The following QRICH2 variants were observed in gnomAD, a reference collection of about 807,000 sequenced individuals.
QRICH2 encodes glutamine rich 2.
In QRICH2, 119 loss-of-function variants were observed where a neutral mutation model predicts 168.3. The ratio of observed to expected loss-of-function variants is 0.71; its 90% CI spans 0.61 to 0.82. The LOEUF (loss-of-function observed/expected upper bound fraction) is 0.82, where lower values mean the gene tolerates loss of function less well. Ranked by LOEUF, QRICH2 falls within the 40% of genes least tolerant of loss-of-function variation. QRICH2 has a pLI of 0.00. For missense variants in QRICH2, 2,241 were observed against 2,491.6 expected, an observed-to-expected ratio of 0.90 and a Z score of 2.14; for synonymous variants, 894 against 951.2, an observed-to-expected ratio of 0.94 and a Z score of 1.11.
chr17:76,278,050 T>C lies in QRICH2; in HGVS notation c.5056A>G (p.Ser1686Gly), dbSNP rs1162819611. The change falls in exon 15 of 19, where the codon AGC becomes GGC. Residue 1686 changes from serine (S) to glycine (G), a missense_variant. By Grantham distance (56) the Ser-to-Gly change is moderately conservative. Around this residue, in one of 3 missense-constraint regions of QRICH2, gnomAD observed 2,047 missense variants for 2,303.8 expected, o/e 0.89. Transcript: ENST00000680821. ...QIHFGGSTKA[S>G]SQIIRELLHA... ...AGCAGCTCGCGGATTATCTGGCTGC[T>C]GGCCTTGGTGGAGCCCCCGAAGTGG... 1 of 1,613,978 alleles carries C rather than the reference T, an allele frequency of 6.2e-7. No individual in the cohort carries two copies. Among genetic ancestry groups the C allele is most frequent in the Admixed American group, 1.7e-5 (1 of 60,036 alleles).
At chr17:76,284,198 G>T (rs548372426) in intron 7 of QRICH2, among the ~76,000 whole-genome samples, 2 of 110,600 alleles carry the variant, frequency 1.8e-5, no homozygotes, top group South Asian at 2.6e-4. Context: ...AAAAAAAAAT[G>T]CACAAAGAGG....
At chr17:76,306,002 T>A (rs2070984859) in intron 1 of QRICH2, among the ~76,000 whole-genome samples, 2 of 151,480 alleles carry the variant, frequency 1.3e-5, no homozygotes, top group South Asian at 4.2e-4. Flanking sequence ...AAACCCCATC[T>A]CTACTAAAAG....
At chr17:76,308,618 A>C (rs991464239), upstream of QRICH2, 1 of 379,378 alleles carries the variant, frequency 2.6e-6, no homozygotes, top group African/African-American at 2.2e-5. Context: ...CCCCTCAGAC[A>C]GTCCACATAT....
intron 7 of QRICH2, among the ~76,000 whole-genome samples, chr17:76,282,664 C>T (rs750800420): frequency 6.6e-6 from 1 of 152,224 alleles, no homozygotes; most frequent in Non-Finnish European, 1.5e-5. Flanking sequence ...CCTTCCAGGG[C>T]AAGTGCCTTG....
chr17:76,307,243 G>A lies in QRICH2; in HGVS notation c.534+222C>T, dbSNP rs745917146. 9.2e-5 allele frequency among the ~76,000 whole-genome samples: 14 copies of A among 152,086 alleles called. No homozygotes were observed. Among genetic ancestry groups the A allele is most frequent in the Non-Finnish European group, 1.5e-4 (10 of 68,000 alleles). On this transcript the variant is annotated intron_variant, in intron 1 of 18. Coordinates refer to ENST00000680821, the MANE Select transcript of QRICH2 (RefSeq NM_001388453.1). This position sits in a 1 kb window ranked among gnomAD's most constrained non-coding sequence, Gnocchi z 5.3. ...CGGGGAGGCCCTAGGCCTTTTGGTGGCGTTCTTTTAGGATTTTCACGTCTT... is the reference window on the plus strand; with the variant it reads ...CGGGGAGGCCCTAGGCCTTTTGGTGACGTTCTTTTAGGATTTTCACGTCTT...
In QRICH2 at chr17:76,308,128, G is replaced by C; in HGVS notation, c.-130C>G. On this transcript the variant is annotated 5_prime_UTR_variant, in exon 1 of 19. Transcript: ENST00000680821. ...GGGCGCCCCTGCCCCGGGTCCGGCCGAGTCACTGGACAGAGCTCCTGCCTC... is the reference window on the plus strand; with the variant it reads ...GGGCGCCCCTGCCCCGGGTCCGGCCCAGTCACTGGACAGAGCTCCTGCCTC... 1 of 1,219,454 alleles carries C rather than the reference G, an allele frequency of 8.2e-7. No individual in the cohort carries two copies. The highest frequency in any genetic ancestry group is 1.0e-6 in the Non-Finnish European group (1 of 980,894). 75.5% of individuals were successfully genotyped at this position (1,219,454 alleles called of 1,614,324 possible). A position where few individuals can be genotyped will look rare whatever the true frequency, so the allele number is the denominator to read the frequency against.
intron 3 of QRICH2, among the ~76,000 whole-genome samples, chr17:76,295,734 G>T (rs2070784103): frequency 6.6e-6 from 1 of 152,166 alleles, no homozygotes; most frequent in Non-Finnish European, 1.5e-5. Context: ...CCTCACCAAA[G>T]GATGCCAAGC....
At chr17:76,287,125 G>A in intron 7 of QRICH2, 67 bp downstream of exon 7, 1 of 1,019,808 alleles carries the variant, frequency 9.8e-7, no homozygotes, top group South Asian at 1.3e-5. Flanking sequence ...AGAGGTGGGA[G>A]GGCAGGGCCA....
In QRICH2 at chr17:76,280,341, C is replaced by T. The variant is rs867609069; in HGVS notation, c.4572G>A (p.Gln1524=). 1 of 1,614,236 alleles carries T rather than the reference C, an allele frequency of 6.2e-7. No homozygotes were observed. Among genetic ancestry groups the T allele is most frequent in the South Asian group, 1.1e-5 (1 of 91,090 alleles). The change falls in exon 11 of 19, where the codon CAG becomes CAA. Residue 1524 remains glutamine, a synonymous_variant. Coordinates refer to ENST00000680821, the MANE Select transcript of QRICH2 (RefSeq NM_001388453.1). This position sits in a 1 kb window ranked among gnomAD's most constrained non-coding sequence, Gnocchi z 7.4. The part of the protein sequence containing the change: ...MQELVAKMSG[Q]EQDWQKMLDR... The stretch of plus-strand genomic sequence containing the variant: ...CCAGCATCTTCTGCCAGTCCTGCTC[C>T]TGCCCGCTCATCTTGGCCACCAGCT...
chr17:76,281,869 T>C lies in QRICH2; in HGVS notation c.4258A>G (p.Arg1420Gly), dbSNP rs773199391. The C allele has an allele frequency of 8.1e-6, 13 of 1,613,076 alleles. No homozygotes were observed. Among genetic ancestry groups the C allele is most frequent in the Non-Finnish European group, 1.1e-5 (13 of 1,179,644 alleles). ...GGAGGCGAGCAGAGCCCCACCTGTC[T>C]CTGGAGCTTGGCCTTCTTGGAGGGT... is the stretch of plus-strand genomic sequence containing the variant. ...SRPSKKAKLQRQDEELLGRVQ... is the reference protein window; with the variant it reads ...SRPSKKAKLQGQDEELLGRVQ... The change falls in exon 8 of 19, where the codon AGA becomes GGA. Residue 1420 changes from arginine to glycine, a missense_variant. By Grantham distance (125) the Arg-to-Gly change is moderately radical. Around this residue, in one of 3 missense-constraint regions of QRICH2, gnomAD observed 2,047 missense variants for 2,303.8 expected, o/e 0.89. Coordinates refer to ENST00000680821, the MANE Select transcript of QRICH2 (RefSeq NM_001388453.1). This position sits in a 1 kb window ranked among gnomAD's most constrained non-coding sequence, Gnocchi z 4.4.
At position 76,280,084 on chromosome 17, in the gene QRICH2, A is replaced by C; in HGVS notation, c.4697T>G (p.Leu1566Arg). Residue 1566 changes from leucine (L) to arginine (R), a missense_variant, in exon 12 of 19, where the codon CTC (leucine) becomes CGC (arginine). Leu to Arg is a moderately radical substitution (Grantham distance 102, BLOSUM62 -2). Coordinates refer to ENST00000680821, the MANE Select transcript of QRICH2 (RefSeq NM_001388453.1). This position sits in a 1 kb window ranked among gnomAD's most constrained non-coding sequence, Gnocchi z 7.4. The stretch of plus-strand genomic sequence containing the variant: ...CTGGTAGAGTGGGGGGCGCTCCCTG[A>C]GCTGCTGTCGCAGCGATTTCCACCG... ...EDRWKSLRQQ[L>R]RERPPLYQAD... is the part of the protein sequence containing the mutation. 6.2e-7 allele frequency: 1 copy of C among 1,613,580 alleles called. No individual in the cohort carries two copies. The highest frequency in any genetic ancestry group is 8.5e-7 in the Non-Finnish European group (1 of 1,179,986).
In QRICH2 at chr17:76,279,366, C is replaced by G; in HGVS notation, c.4811G>C (p.Gly1604Ala). The G allele has an allele frequency of 1.9e-6, 3 of 1,612,388 alleles. No homozygotes were observed. Among genetic ancestry groups the G allele is most frequent in the Non-Finnish European group, 2.5e-6 (3 of 1,179,200 alleles). Residue 1604 changes from glycine to alanine, a missense_variant, in exon 13 of 19, where the codon GGA (glycine) becomes GCA (alanine). Physicochemically the swap from Gly to Ala is moderately conservative, Grantham distance 60. This residue lies in a region of QRICH2 where 2,047 missense variants were observed against 2,303.8 expected (regional missense o/e 0.89). Coordinates refer to ENST00000680821, the MANE Select transcript of QRICH2 (RefSeq NM_001388453.1). Reference sequence around the variant, plus strand: ...TGCCGGCGGTGTGGGCACTCACTGTCCAGTCACAGGTGTCTCCAAGGGCCG... The same window carrying G: ...TGCCGGCGGTGTGGGCACTCACTGTGCAGTCACAGGTGTCTCCAAGGGCCG... ...CDRPLETPVT[G>A]HAIPVTPAGP... is the part of the protein sequence containing the mutation.
chr17:76,283,591 C>T (rs991357741), intron 7 of QRICH2, among the ~76,000 whole-genome samples: 1 of 152,078 alleles, frequency 6.6e-6, no homozygotes, highest in South Asian at 2.1e-4. Flanking sequence ...AAGCACAAAG[C>T]GGGCCAGGCA....
chr17:76,308,319 AACAC>A (rs2071022898), upstream of QRICH2: 2 of 985,256 alleles, frequency 2.0e-6, no homozygotes, highest in Non-Finnish European at 2.4e-6. Flanking sequence ...TCCACGTAAC[AACAC>A]GCCTCCCTGC....
At chr17:76,306,131 T>C (rs1310398298) in intron 1 of QRICH2, among the ~76,000 whole-genome samples, 2 of 123,816 alleles carry the variant, frequency 1.6e-5, no homozygotes, top group Admixed American at 2.2e-4. Context: ...AATGCACCAC[T>C]GCACTCCAGC....
chr17:76,302,821 C>T (rs1442740459), intron 3 of QRICH2, among the ~76,000 whole-genome samples: 1 of 152,154 alleles, frequency 6.6e-6, no homozygotes, highest in South Asian at 2.1e-4. Context: ...GAAGCGCATA[C>T]TGTCCCCTTT....
intron 4 of QRICH2, 94 bp downstream of exon 4, chr17:76,290,921 G>A (rs966779972): frequency 2.4e-5 from 37 of 1,530,092 alleles, no homozygotes; most frequent in Admixed American, 7.8e-5. Flanking sequence ...AGGGAGATGT[G>A]TAGCAGCCAG....
intron 6 of QRICH2, 146 bp from the exon 7 acceptor site, chr17:76,287,452 C>T (rs553982591): frequency 3.0e-6 from 2 of 675,212 alleles, no homozygotes; most frequent in Admixed American, 2.2e-5. Context: ...TCTAGGGAGT[C>T]CCGGGCTATG....
chr17:76,287,943 G>A (rs183634140), intron 5 of QRICH2, 46 bp from the exon 6 acceptor site: 48 of 1,486,460 alleles, frequency 3.2e-5, no homozygotes, highest in East Asian at 3.2e-4. Context: ...CTGAGCTCCC[G>A]CTTCCCAAGT....
Sources: gnomAD v4.1 joint callset for allele counts (sites outside exome capture counted in the v4.1 genomes callset) on GRCh38, gnomAD v4.1.1 for gene constraint, gnomAD v4.1.1 regional missense constraint, Gnocchi (gnomAD v3.1) non-coding constraint, MANE v1.5 for transcripts, NCBI Gene and HGNC (gene_info 2026-07-23, HGNC 2026-07-21) for gene names.